ATP8B2: variants seen among roughly 807,000 people sequenced by gnomAD.
The protein encoded by ATP8B2 is phospholipid-transporting ATPase ID.
ATP8B2 carries 70 observed loss-of-function variants against 133.4 expected under a neutral mutation model. The ratio of observed to expected loss-of-function variants is 0.52; its 90% CI spans 0.43 to 0.64. The LOEUF is 0.64. ATP8B2 is among the 30% of genes least tolerant of loss of function. The pLI, the probability that ATP8B2 is intolerant of heterozygous loss-of-function variation, is 0.00. For missense variants in ATP8B2, 1,101 were observed against 1,535.7 expected, an observed-to-expected ratio of 0.72 and a Z score of 4.73; for synonymous variants, 517 against 589.5, an observed-to-expected ratio of 0.88 and a Z score of 1.78.
At chr1:154,327,717 A>T in intron 1 of ATP8B2, 1 of 1,401,654 alleles carries the variant, frequency 7.1e-7, no homozygotes, top group East Asian at 2.3e-5. Context: ...CCTCCACCCC[A>T]CCCTTTGGGG....
chr1:154,344,998 C>T lies in ATP8B2; in HGVS notation c.2314C>T (p.Leu772=). The change falls in exon 22 of 28, where the codon CTG becomes TTG. Residue 772 remains leucine (L), a synonymous_variant. Transcript: ENST00000368489. The surrounding 1 kb of genome is among the most constrained non-coding windows in gnomAD (Gnocchi z 4.1). ...CCACGCACTGGAGGCAGACATGGAG[C>T]TGGAGTTTCTGGAGACAGCGTGTGC... ...LAHALEADME[L]EFLETACACK... is the part of the protein sequence containing the mutation. 1 of 1,613,850 alleles carries T rather than the reference C, an allele frequency of 6.2e-7. No homozygotes were observed. Among genetic ancestry groups the T allele is most frequent in the Non-Finnish European group, 8.5e-7 (1 of 1,179,864 alleles).
At chr1:154,330,083 C>A (rs904706132) in intron 2 of ATP8B2, among the ~76,000 whole-genome samples, 3 of 152,180 alleles carry the variant, frequency 2.0e-5, no homozygotes, top group Non-Finnish European at 2.9e-5. Context: ...GCTGGGGAAT[C>A]CCAGGACTGT....
At position 154,331,512 on chromosome 1, in the gene ATP8B2, G is replaced by A. The variant is rs1231337001; in HGVS notation, c.365+7G>A. 5 of 1,613,986 alleles carry A rather than the reference G, an allele frequency of 3.1e-6. No individual in the cohort carries two copies. Among genetic ancestry groups the A allele is most frequent in the East Asian group, 2.2e-5 (1 of 44,900 alleles). The stretch of plus-strand genomic sequence containing the variant: ...AGGTGCTGATCAATGGAATGTGAGT[G>A]CCTGTTGGAGACAAGAGCTCTGGGG... On this transcript the variant is annotated splice_region_variant and intron_variant, in intron 6 of 27. Transcript: ENST00000368489. This position sits in a 1 kb window ranked among gnomAD's most constrained non-coding sequence, Gnocchi z 4.8.
At chr1:154,329,143 C>G (rs986366288) in intron 2 of ATP8B2, 2 of 1,197,790 alleles carry the variant, frequency 1.7e-6, no homozygotes, top group Non-Finnish European at 2.1e-6. Flanking sequence ...CCTACATTCA[C>G]TTGTCCCCAG....
At position 154,343,090 on chromosome 1, in the gene ATP8B2, G is replaced by T; in HGVS notation, c.1454-23G>T. On this transcript the variant is annotated intron_variant, in intron 15 of 27. Transcript: ENST00000368489. The surrounding 1 kb of genome is among the most constrained non-coding windows in gnomAD (Gnocchi z 5.8). The stretch of plus-strand genomic sequence containing the variant: ...GGCTGAGGGAAGCCACTTATATCAC[G>T]TGTATTCTTCCTCCCCACCCAGGAG... 6.2e-7 allele frequency: 1 copy of T among 1,606,318 alleles called. No individual in the cohort carries two copies. Among genetic ancestry groups the T allele is most frequent in the Non-Finnish European group, 8.5e-7 (1 of 1,175,864 alleles).
In ATP8B2 at chr1:154,348,413, G is replaced by T. The variant is rs1342599152; in HGVS notation, c.3169G>T (p.Ala1057Ser). 6.2e-7 allele frequency: 1 copy of T among 1,606,248 alleles called. No homozygotes were observed. Among genetic ancestry groups the T allele is most frequent in the Non-Finnish European group, 8.5e-7 (1 of 1,173,724 alleles). ...FPNQFRFVGN[A>S]QNTLAQPTVW... ...TGACTCCTCTTCATCCCCAGGGAAT[G>T]CCCAGAACACCTTGGCCCAGCCCAC... Residue 1057 changes from alanine to serine, a missense_variant, in exon 27 of 28, where the codon GCC becomes TCC. Physicochemically the swap from Ala to Ser is moderately conservative, Grantham distance 99. Coordinates refer to ENST00000368489, the MANE Select transcript of ATP8B2 (RefSeq NM_001370597.1).
At position 154,349,399 on chromosome 1, in the gene ATP8B2, G is replaced by A. The variant is rs890000949; in HGVS notation, c.*281G>A. 12 of 475,116 alleles carry A rather than the reference G, an allele frequency of 2.5e-5. No homozygotes were observed. The highest frequency in any genetic ancestry group is 3.4e-5 in the Non-Finnish European group (9 of 261,794). 29.4% of individuals were successfully genotyped at this position (475,116 alleles called of 1,614,324 possible). ...GGACCAGAAGTGGAACCAAAAACAA[G>A]AAAAAACTGTGAGAGATTGTGTCTG... On this transcript the variant is annotated 3_prime_UTR_variant, in exon 28 of 28. Transcript: ENST00000368489.
At position 154,334,275 on chromosome 1, in the gene ATP8B2, C is replaced by T. The variant is rs1485837645; in HGVS notation, c.748+10C>T. On this transcript the variant is annotated intron_variant, in intron 10 of 27. Transcript: ENST00000368489. The surrounding 1 kb of genome is among the most constrained non-coding windows in gnomAD (Gnocchi z 4.6). Reference sequence around the variant, plus strand: ...CTGGTCATCTTTGCAGGTGAGCCTCCTAGCATCCAAAGAAAGAAGGGTAAG... The same window carrying T: ...CTGGTCATCTTTGCAGGTGAGCCTCTTAGCATCCAAAGAAAGAAGGGTAAG... 3 of 1,612,866 alleles carry T rather than the reference C, an allele frequency of 1.9e-6. No homozygotes were observed. The highest frequency in any genetic ancestry group is 1.7e-5 in the Admixed American group (1 of 59,954).
At chr1:154,339,630 C>G (rs944607475) in intron 12 of ATP8B2, among the ~76,000 whole-genome samples, 3 of 152,164 alleles carry the variant, frequency 2.0e-5, no homozygotes, top group African/African-American at 7.2e-5. Context: ...TGAGTCTCAT[C>G]AGGTCACAGT....
chr1:154,345,153 A>AAGTG lies in ATP8B2; in HGVS notation c.2470+4_2470+7dup. On this transcript the variant is annotated frameshift_variant and splice_region_variant, in exon 22 of 28. Coordinates refer to ENST00000368489, the MANE Select transcript of ATP8B2 (RefSeq NM_001370597.1). LOFTEE classifies it high-confidence loss of function. This position sits in a 1 kb window ranked among gnomAD's most constrained non-coding sequence, Gnocchi z 5.6. ...GAGCCAATGATGTCAGCATGATCAA[A>AAGTG]AGTGAGTGTGGGCTGTGCAGGTGTG... The AAGTG allele has an allele frequency of 1.2e-6, 2 of 1,613,336 alleles. No individual in the cohort carries two copies. The highest frequency in any genetic ancestry group is 2.2e-5 in the South Asian group (2 of 90,976).
chr1:154,345,508 A>T lies in ATP8B2; in HGVS notation c.2657A>T (p.His886Leu). Residue 886 changes from histidine to leucine, a missense_variant, in exon 23 of 28, where the codon CAC becomes CTC. Physicochemically the swap from His to Leu is moderately conservative, Grantham distance 99. Transcript: ENST00000368489. The surrounding 1 kb of genome is among the most constrained non-coding windows in gnomAD (Gnocchi z 5.6). The stretch of plus-strand genomic sequence containing the variant: ...AAAAACTTTGCTTTCACCATGGTCC[A>T]CTTCTGGTTTGGCTTCTTCTGTGGC... ...FYKNFAFTMVHFWFGFFCGFS... is the reference protein window; with the variant it reads ...FYKNFAFTMVLFWFGFFCGFS... 6.2e-7 allele frequency: 1 copy of T among 1,614,070 alleles called. No homozygotes were observed. Among genetic ancestry groups the T allele is most frequent in the Non-Finnish European group, 8.5e-7 (1 of 1,180,008 alleles).
rs574353257 is a variant in ATP8B2, at chr1:154,331,797, A to C, written c.438+119A>C. 1 of 1,324,164 alleles carries C rather than the reference A, an allele frequency of 7.6e-7. No homozygotes were observed. Among genetic ancestry groups the C allele is most frequent in the Non-Finnish European group, 1.1e-6 (1 of 921,024 alleles). The allele number at this position is 1,324,164 out of a possible 1,614,324, so 82.0% of individuals were successfully genotyped here. ...CACCCGTGGCAGGAATCTTTCTCAC[A>C]CCAGGGGCTTCTGTGTCATGCTGAT... On this transcript the variant is annotated intron_variant, in intron 7 of 27. Coordinates refer to ENST00000368489, the MANE Select transcript of ATP8B2 (RefSeq NM_001370597.1). The surrounding 1 kb of genome is among the most constrained non-coding windows in gnomAD (Gnocchi z 4.8).
At chr1:154,348,748 C>T (rs1686683540) in intron 27 of ATP8B2, 92 bp from the exon 28 acceptor site, 4 of 1,437,724 alleles carry the variant, frequency 2.8e-6, no homozygotes, top group Non-Finnish European at 2.8e-6. Context: ...GCCTCTGTGT[C>T]AGCCTGGTCC....
chr1:154,330,348 T>G, intron 2 of ATP8B2, 48 bp from the exon 3 acceptor site: 3 of 1,572,404 alleles, frequency 1.9e-6, no homozygotes, highest in Non-Finnish European at 2.6e-6. Flanking sequence ...AAAGTGTTGG[T>G]CCAGACCTCA....
intron 12 of ATP8B2, chr1:154,337,775 CTATT>C: frequency 3.5e-6 from 5 of 1,448,794 alleles, no homozygotes; most frequent in Non-Finnish European, 4.6e-6. Context: ...TATTCAGCAC[CTATT>C]TATTACATGC....
rs1476199947 is a variant in ATP8B2 at position 154,349,181 on chromosome 1, G to A, written c.*63G>A. ...ACCCAGGGCTGGCCAGTCACTGAGG[G>A]AACAGCGTCTCGGAACTGCTGGTCC... On this transcript the variant is annotated 3_prime_UTR_variant, in exon 28 of 28. Transcript: ENST00000368489. 8.3e-6 allele frequency: 13 copies of A among 1,563,834 alleles called. No individual in the cohort carries two copies. Among genetic ancestry groups the A allele is most frequent in the East Asian group, 2.3e-5 (1 of 43,476 alleles).
Position 154,331,919 on chromosome 1 carries a change from G to A in ATP8B2, c.439-35G>A, listed in dbSNP as rs372070037. The A allele has an allele frequency of 3.1e-6, 5 of 1,592,022 alleles. No individual in the cohort carries two copies. Among genetic ancestry groups the A allele is most frequent in the Non-Finnish European group, 4.3e-6 (5 of 1,159,892 alleles). On this transcript the variant is annotated intron_variant, in intron 7 of 27. Transcript: ENST00000368489. This position sits in a 1 kb window ranked among gnomAD's most constrained non-coding sequence, Gnocchi z 4.8. ...TACAGCCCACTGGGGGTGGAGGTTTGCATATTTGGACTTCTCATTAGTTTT... is the reference window on the plus strand; with the variant it reads ...TACAGCCCACTGGGGGTGGAGGTTTACATATTTGGACTTCTCATTAGTTTT...
At chr1:154,333,995 G>A (rs768356226) in intron 9 of ATP8B2, 112 bp from the exon 10 acceptor site, 43 of 1,290,082 alleles carry the variant, frequency 3.3e-5, no homozygotes, top group Non-Finnish European at 4.5e-5. Context: ...GCATATGGAT[G>A]GGCCCTTGCC....
chr1:154,331,170 T>G lies in ATP8B2; in HGVS notation c.303+24T>G. The G allele has an allele frequency of 3.1e-6, 5 of 1,601,574 alleles. No individual in the cohort carries two copies. The highest frequency in any genetic ancestry group is 4.3e-6 in the Non-Finnish European group (5 of 1,169,294). Reference sequence around the variant, plus strand: ...ATGTGAGTGGTTTTCATTCTTCTATTTTGTCCCAGTCACCCACCCCTACTC... The same window carrying G: ...ATGTGAGTGGTTTTCATTCTTCTATGTTGTCCCAGTCACCCACCCCTACTC... On this transcript the variant is annotated intron_variant, in intron 5 of 27. Coordinates refer to ENST00000368489, the MANE Select transcript of ATP8B2 (RefSeq NM_001370597.1). This position sits in a 1 kb window ranked among gnomAD's most constrained non-coding sequence, Gnocchi z 4.8.
Sources: gnomAD v4.1 joint callset for allele counts (sites outside exome capture counted in the v4.1 genomes callset) on GRCh38, gnomAD v4.1.1 for gene constraint, Gnocchi (gnomAD v3.1) non-coding constraint, MANE v1.5 for transcripts, NCBI Gene and HGNC (gene_info 2026-07-23, HGNC 2026-07-21) for gene names.